The following GALNT2 variants were observed in gnomAD, a reference collection of about 807,000 sequenced individuals.
GALNT2 encodes the protein UDP-GalNAc:polypeptide N-acetylgalactosaminyltransferase 2.
In GALNT2, 31 loss-of-function variants were observed where a neutral mutation model predicts 81.4. The observed-to-expected ratio is 0.38, with a 90% CI of 0.29 to 0.51. The LOEUF is 0.51. Among genes scored for constraint, GALNT2 ranks in the 20% least tolerant of loss-of-function variants. GALNT2 has a pLI of 0.87. For synonymous variants in GALNT2, 303 were observed against 287.4 expected, an observed-to-expected ratio of 1.05 and a Z score of -0.55; for missense variants, 629 against 765.7, an observed-to-expected ratio of 0.82 and a Z score of 2.11.
At chr1:230,125,507 C>T (rs1661146827) in intron 1 of GALNT2, among the ~76,000 whole-genome samples, 1 of 152,208 alleles carries the variant, frequency 6.6e-6, no homozygotes, top group Non-Finnish European at 1.5e-5. Context: ...AGTCTTTCAG[C>T]CAAGATCGTG....
chr1:230,147,590 TA>T (rs1661960208), intron 1 of GALNT2, among the ~76,000 whole-genome samples: 2 of 152,338 alleles, frequency 1.3e-5, no homozygotes, highest in South Asian at 4.1e-4. Flanking sequence ...TGTTGTAAAA[TA>T]ATCTCAGGCC....
In GALNT2 at chr1:230,265,290, A is replaced by G. The variant is rs776668471; in HGVS notation, c.1363A>G (p.Asn455Asp). ...TTTTGGGGCCTTGCAGCAGGGAACT[A>G]ACTGCCTCGACACTTTGGGACACTT... ...IAFGALQQGT[N>D]CLDTLGHFAD... is the part of the protein sequence containing the mutation. Residue 455 changes from asparagine to aspartate, a missense_variant, in exon 14 of 16, where the codon AAC becomes GAC. By Grantham distance (23) the Asn-to-Asp change is conservative (BLOSUM62 1). Around this residue, in one of 3 missense-constraint regions of GALNT2, gnomAD observed 207 missense variants for 225.5 expected, o/e 0.92. Coordinates refer to ENST00000366672, the MANE Select transcript of GALNT2 (RefSeq NM_004481.5). 2 of 1,614,238 alleles carry G rather than the reference A, an allele frequency of 1.2e-6. No individual in the cohort carries two copies. Among genetic ancestry groups the G allele is most frequent in the Non-Finnish European group, 1.7e-6 (2 of 1,180,038 alleles).
At chr1:230,273,228 A>C (rs1666199472) in intron 14 of GALNT2, among the ~76,000 whole-genome samples, 1 of 152,232 alleles carries the variant, frequency 6.6e-6, no homozygotes, top group African/African-American at 2.4e-5. Context: ...ATAGCACATA[A>C]TAGTGCCTGA....
chr1:230,125,442 A>C lies in GALNT2; in HGVS notation c.127-52776A>C, dbSNP rs1661144182. On this transcript the variant is annotated intron_variant, in intron 1 of 15. Transcript: ENST00000366672. ...GTGTTTGACAGCGTCACATATTTTAAATTAAAGGCAGAGTGAATAAGGAGA... is the reference window on the plus strand; with the variant it reads ...GTGTTTGACAGCGTCACATATTTTACATTAAAGGCAGAGTGAATAAGGAGA... Among the ~76,000 whole-genome samples, 3 of 152,226 alleles carry C rather than the reference A, an allele frequency of 2.0e-5. No individual in the cohort carries two copies. The South Asian group carries it at 6.2e-4, about 32-fold the overall frequency.
chr1:230,156,126 C>T (rs1333874172), intron 1 of GALNT2, among the ~76,000 whole-genome samples: 4 of 151,628 alleles, frequency 2.6e-5, no homozygotes, highest in Non-Finnish European at 4.4e-5. Flanking sequence ...TGGAATACCA[C>T]GTAGACCTGG....
At chr1:230,110,389 G>A (rs1205726820) in intron 1 of GALNT2, among the ~76,000 whole-genome samples, 3 of 152,126 alleles carry the variant, frequency 2.0e-5, no homozygotes, top group Admixed American at 2.0e-4. Context: ...GAGCTCTGAC[G>A]GCCTGGGAGC....
chr1:230,097,742 C>G (rs888063692), intron 1 of GALNT2, among the ~76,000 whole-genome samples: 1 of 152,160 alleles, frequency 6.6e-6, no homozygotes, highest in African/African-American at 2.4e-5. Context: ...AATGACACAT[C>G]ATAATTTCAT....
chr1:230,274,574 G>A lies in GALNT2; in HGVS notation c.1560+10G>A. 3 of 1,610,836 alleles carry A rather than the reference G, an allele frequency of 1.9e-6. No homozygotes were observed. The highest frequency in any genetic ancestry group is 2.5e-6 in the Non-Finnish European group (3 of 1,179,116). On this transcript the variant is annotated intron_variant, in intron 15 of 15. Transcript: ENST00000366672. ...AAATGACAGCAGACAGGTACGGCTTGCAGGCACCCGTGGGTGCCCGTGATT... is the reference window on the plus strand; with the variant it reads ...AAATGACAGCAGACAGGTACGGCTTACAGGCACCCGTGGGTGCCCGTGATT...
chr1:230,198,437 A>AC (rs568761619), intron 2 of GALNT2, among the ~76,000 whole-genome samples: 2,103 of 131,810 alleles, frequency 0.016, 148 homozygotes, highest in Middle Eastern at 0.04. Flanking sequence ...CAGGGGCAGG[A>AC]CAGCAGCCCA....
chr1:230,152,256 A>T (rs1662114702), intron 1 of GALNT2, among the ~76,000 whole-genome samples: 1 of 152,194 alleles, frequency 6.6e-6, no homozygotes, highest in Non-Finnish European at 1.5e-5. Flanking sequence ...CAGGGGGCTC[A>T]GGCTGATGGG....
At chr1:230,268,567 C>T (rs1167501724) in intron 14 of GALNT2, 3 of 152,266 alleles carry the variant, frequency 2.0e-5, no homozygotes, top group Non-Finnish European at 4.4e-5. Context: ...CGAGAGAGTT[C>T]GTCATCAGAG....
intron 3 of GALNT2, among the ~76,000 whole-genome samples, chr1:230,211,369 C>T (rs1472487435): frequency 6.6e-6 from 1 of 152,098 alleles, no homozygotes; most frequent in Non-Finnish European, 1.5e-5. Flanking sequence ...GCATTTGTGG[C>T]CGTGGGGCAG....
chr1:230,171,003 C>G (rs1662776105), intron 1 of GALNT2, among the ~76,000 whole-genome samples: 1 of 152,190 alleles, frequency 6.6e-6, no homozygotes, highest in Non-Finnish European at 1.5e-5. Context: ...AGGACCCTTT[C>G]CCAGTGAGTT....
chr1:230,158,257 C>T (rs1662323457), intron 1 of GALNT2, among the ~76,000 whole-genome samples: 1 of 152,088 alleles, frequency 6.6e-6, no homozygotes. Context: ...GAGATGAGGC[C>T]AGAGGTTCCA....
At chr1:230,180,490 TACCAC>T (rs1663127169) in intron 2 of GALNT2, among the ~76,000 whole-genome samples, 2 of 152,146 alleles carry the variant, frequency 1.3e-5, no homozygotes, top group South Asian at 4.1e-4. Flanking sequence ...ATTTTGCCAC[TACCAC>T]ACTGCCTTGA....
intron 1 of GALNT2, among the ~76,000 whole-genome samples, chr1:230,148,685 C>T (rs770730187): frequency 6.6e-6 from 1 of 151,574 alleles, no homozygotes; most frequent in East Asian, 1.9e-4. Flanking sequence ...TCCCTGGGCT[C>T]AGGTGATCCT....
intron 1 of GALNT2, among the ~76,000 whole-genome samples, chr1:230,108,130 C>G (rs1660594847): frequency 1.3e-5 from 2 of 152,222 alleles, no homozygotes; most frequent in Non-Finnish European, 2.9e-5. Flanking sequence ...CTGCCAGGAG[C>G]TTGCACCCTG....
rs543099604 is a variant in GALNT2 at position 230,219,512 on chromosome 1, A to G, written c.374+16222A>G. Among the ~76,000 whole-genome samples the G allele has an allele frequency of 3.9e-4, 59 of 151,916 alleles. 1 individual carries two copies. Among genetic ancestry groups the G allele is most frequent in the Admixed American group, 7.9e-4 (12 of 15,266 alleles). ...AGTCCCTTGTCCTCCCTTCTGAGTCACTGGACCTGCCTACTCAGATCTCTC... is the reference window on the plus strand; with the variant it reads ...AGTCCCTTGTCCTCCCTTCTGAGTCGCTGGACCTGCCTACTCAGATCTCTC... On this transcript the variant is annotated intron_variant, in intron 3 of 15. Coordinates refer to ENST00000366672, the MANE Select transcript of GALNT2 (RefSeq NM_004481.5).
chr1:230,232,995 C>G (rs1244865589), intron 3 of GALNT2, among the ~76,000 whole-genome samples: 1 of 152,094 alleles, frequency 6.6e-6, no homozygotes, highest in Non-Finnish European at 1.5e-5. Context: ...GTGATTCTGA[C>G]CTAATTGCTT....
Sources: gnomAD v4.1 joint callset for allele counts (sites outside exome capture counted in the v4.1 genomes callset) on GRCh38, gnomAD v4.1.1 for gene constraint, gnomAD v4.1.1 regional missense constraint, MANE v1.5 for transcripts, NCBI Gene and HGNC (gene_info 2026-07-23, HGNC 2026-07-21) for gene names.